Variants in SLC35D2 observed in about 807,000 individuals in gnomAD.
SLC35D2 encodes the protein solute carrier family 35 member D2.
Under a neutral mutation model 41.8 loss-of-function variants are expected in SLC35D2, and 43 were observed. That is an observed-to-expected ratio of 1.03 (90% CI 0.81 to 1.33). The LOEUF is 1.33. Among genes scored for constraint, SLC35D2 ranks in the 40% most tolerant of loss-of-function variants. The probability of loss-of-function intolerance (pLI) is 0.00; values close to 1 mark genes in which losing one functional copy is unlikely to be tolerated. For missense variants in SLC35D2, 380 were observed against 408.4 expected (o/e 0.93, Z 0.60); for synonymous variants, 150 against 163.9 (o/e 0.92, Z 0.65).
intron 3 of SLC35D2, 134 bp downstream of exon 3, chr9:96,364,330 A>T (rs1292741377): frequency 1.7e-6 from 1 of 596,910 alleles, no homozygotes. Flanking sequence ...GCGACAGTCC[A>T]TCTCAAACAA....
intron 1 of SLC35D2, among the ~76,000 whole-genome samples, chr9:96,378,896 TC>T (rs902551999): frequency 1.3e-5 from 2 of 151,166 alleles, no homozygotes; most frequent in Non-Finnish European, 2.9e-5. Flanking sequence ...GCCACCGCGC[TC>T]CAGCCTGGGC....
intron 6 of SLC35D2, among the ~76,000 whole-genome samples, chr9:96,349,460 A>T (rs1440031710): frequency 6.6e-6 from 1 of 151,818 alleles, no homozygotes; most frequent in African/African-American, 2.4e-5. Context: ...CTCTCCCGTG[A>T]TCTCTACCCC....
At chr9:96,382,768 T>C (rs1287451999) in intron 1 of SLC35D2, among the ~76,000 whole-genome samples, 1 of 152,086 alleles carries the variant, frequency 6.6e-6, no homozygotes. Context: ...ATATAACAGC[T>C]CGTGCAGAGC....
At chr9:96,337,588 C>T (rs1422928639) in intron 8 of SLC35D2, among the ~76,000 whole-genome samples, 2 of 152,168 alleles carry the variant, frequency 1.3e-5, no homozygotes, top group Non-Finnish European at 2.9e-5. Flanking sequence ...CAGGAACTTG[C>T]ACATGCTTAG....
chr9:96,380,145 C>T (rs1039232297), intron 1 of SLC35D2, among the ~76,000 whole-genome samples: 2 of 152,134 alleles, frequency 1.3e-5, no homozygotes, highest in African/African-American at 2.4e-5. Flanking sequence ...GATCCGCCCA[C>T]CTCAGCCTCC....
rs57775451 is a variant in SLC35D2, at chr9:96,324,549, C to CTTTTTTTTTTTTTTTTTTTTTTT, written c.753-381_753-380insAAAAAAAAAAAAAAAAAAAAAAA. ...CTGTGCCTCAGAATCGCCTGCTGCA[C>CTTTTTTTTTTTTTTTTTTTTTTT]TTTTTTTTTTTTTTTTTGGTGGGGA... On this transcript the variant is annotated intron_variant, in intron 9 of 11. Transcript: ENST00000253270. Among the ~76,000 whole-genome samples the CTTTTTTTTTTTTTTTTTTTTTTT allele has an allele frequency of 2.4e-3, 277 of 117,668 alleles. 16 individuals carry two copies. The highest frequency in any genetic ancestry group is 3.5e-3 in the Non-Finnish European group (200 of 56,390). 77.2% of individuals were successfully genotyped at this position (117,668 alleles called of 152,430 possible). A position where few individuals can be genotyped will look rare whatever the true frequency, so the allele number is the denominator to read the frequency against.
chr9:96,317,212 C>T (rs1828074436), downstream of SLC35D2, among the ~76,000 whole-genome samples: 1 of 152,004 alleles, frequency 6.6e-6, no homozygotes, highest in Non-Finnish European at 1.5e-5. Context: ...TTTGTAGTAC[C>T]ATGGCAAGAG....
intron 4 of SLC35D2, among the ~76,000 whole-genome samples, chr9:96,358,518 T>G (rs1830131783): frequency 6.6e-6 from 1 of 152,102 alleles, no homozygotes; most frequent in Non-Finnish European, 1.5e-5. Context: ...AGGACTTGTA[T>G]CAAGTAAATG....
intron 4 of SLC35D2, among the ~76,000 whole-genome samples, chr9:96,355,206 T>C (rs1453612136): frequency 6.6e-6 from 1 of 151,884 alleles, no homozygotes; most frequent in African/African-American, 2.4e-5. Context: ...TTAGTATAGA[T>C]GGGGTTTCAC....
chr9:96,383,387 C>A, intron 1 of SLC35D2, 90 bp downstream of exon 1: 1 of 1,064,742 alleles, frequency 9.4e-7, no homozygotes. Context: ...CCTGTCCCCA[C>A]CCGCCCTGTC....
chr9:96,322,717 G>GTTTTTTTTTTT (rs57493593), intron 10 of SLC35D2, among the ~76,000 whole-genome samples: 3 of 111,426 alleles, frequency 2.7e-5, no homozygotes, highest in East Asian at 2.9e-4. Flanking sequence ...GTTTTCTGGG[G>GTTTTTTTTTTT]TTTTTTTTTT....
intron 1 of SLC35D2, among the ~76,000 whole-genome samples, chr9:96,380,334 C>A (rs976955419): frequency 1.3e-5 from 2 of 152,172 alleles, no homozygotes; most frequent in Non-Finnish European, 2.9e-5. Flanking sequence ...GTGTTGACTG[C>A]CATGGTCAGT....
intron 8 of SLC35D2, among the ~76,000 whole-genome samples, chr9:96,343,217 C>T (rs1242092960): frequency 6.6e-6 from 1 of 152,182 alleles, no homozygotes; most frequent in Non-Finnish European, 1.5e-5. Context: ...TGGCCTCCAC[C>T]GCTCCACTGG....
intron 8 of SLC35D2, among the ~76,000 whole-genome samples, chr9:96,339,469 T>C (rs1308416969): frequency 6.6e-6 from 1 of 152,204 alleles, no homozygotes; most frequent in Non-Finnish European, 1.5e-5. Flanking sequence ...ACGGTATTAG[T>C]GGCATTTTTA....
At position 96,326,793 on chromosome 9, in the gene SLC35D2, G is replaced by A. The variant is rs142561945; in HGVS notation, c.753-2624C>T. On this transcript the variant is annotated intron_variant, in intron 9 of 11. Coordinates refer to ENST00000253270, the MANE Select transcript of SLC35D2 (RefSeq NM_007001.3). ...TGCACTTTAGCCTGGGCAACAGAGC[G>A]AGACTCTGTCTCAAAAAAAAAAAAA... is the stretch of plus-strand genomic sequence containing the variant. Among the ~76,000 whole-genome samples, 744 of 139,802 alleles carry A rather than the reference G, an allele frequency of 5.3e-3. 7 individuals are homozygous for A. The highest frequency in any genetic ancestry group is 0.019 in the African/African-American group (709 of 36,478). The allele number at this position is 139,802 out of a possible 152,430, so 91.7% of individuals were successfully genotyped here. A position where few individuals can be genotyped will look rare whatever the true frequency, so the allele number is the denominator to read the frequency against.
chr9:96,370,073 T>C (rs894829256), intron 1 of SLC35D2, among the ~76,000 whole-genome samples: 1 of 152,090 alleles, frequency 6.6e-6, no homozygotes, highest in African/African-American at 2.4e-5. Context: ...TGCCGGATAA[T>C]AGCATGTCCA....
chr9:96,362,203 G>A lies in SLC35D2; in HGVS notation c.280-1982C>T, dbSNP rs114731127. Among the ~76,000 whole-genome samples, 861 of 152,246 alleles carry A rather than the reference G, an allele frequency of 5.7e-3. 10 individuals carry two copies. Among genetic ancestry groups the A allele is most frequent in the African/African-American group, 0.019 (788 of 41,532 alleles). On this transcript the variant is annotated intron_variant, in intron 3 of 11. Coordinates refer to ENST00000253270, the MANE Select transcript of SLC35D2 (RefSeq NM_007001.3). ...TCTCAAGTTTAAAAGCAGGTAAAAC[G>A]AGACTACAGAATTTAGGGATGTGGC...
In SLC35D2 at chr9:96,352,230, A is replaced by G. The variant is rs191837421; in HGVS notation, c.348-121T>C. ...TTCCAAATCAATTTTCACATTTACC[A>G]TTAACAAATCACATTAAATAATAAA... On this transcript the variant is annotated intron_variant, in intron 4 of 11. Coordinates refer to ENST00000253270, the MANE Select transcript of SLC35D2 (RefSeq NM_007001.3). 2.2e-4 allele frequency: 124 copies of G among 565,764 alleles called. No individual in the cohort carries two copies. The Admixed American group carries it at 3.4e-3, about 15-fold the overall frequency. 35.0% of individuals were successfully genotyped at this position (565,764 alleles called of 1,614,324 possible). A position where few individuals can be genotyped will look rare whatever the true frequency, so the allele number is the denominator to read the frequency against.
intron 10 of SLC35D2, among the ~76,000 whole-genome samples, chr9:96,323,022 CTTTTTTTT>C (rs869071613): frequency 7.5e-6 from 1 of 133,212 alleles, no homozygotes; most frequent in Non-Finnish European, 1.6e-5. Flanking sequence ...CCTGGTTTTT[CTTTTTTTT>C]TTTTTTTTTC....
Sources: gnomAD v4.1 joint callset for allele counts (sites outside exome capture counted in the v4.1 genomes callset) on GRCh38, gnomAD v4.1.1 for gene constraint, MANE v1.5 for transcripts, NCBI Gene and HGNC (gene_info 2026-07-23, HGNC 2026-07-21) for gene names.